Variants in PTPRD observed in about 807,000 individuals in gnomAD.
The protein encoded by PTPRD is receptor-type tyrosine-protein phosphatase delta.
A neutral mutation model predicts 214.5 loss-of-function variants in PTPRD; 34 were observed. That is an observed-to-expected ratio of 0.16 (90% CI 0.12 to 0.21). The LOEUF (loss-of-function observed/expected upper bound fraction) is 0.21, where lower values mean the gene tolerates loss of function less well. Among genes scored for constraint, PTPRD ranks in the 10% least tolerant of loss-of-function variants. The pLI is 1.00. For missense variants in PTPRD, 2,545 were observed against 2,398.7 expected, an observed-to-expected ratio of 1.06 and a Z score of -1.27; for synonymous variants, 1,128 against 845.7, an observed-to-expected ratio of 1.33 and a Z score of -5.79.
intron 8 of PTPRD, among the ~76,000 whole-genome samples, chr9:9,463,906 A>T (rs994801528): frequency 1.3e-5 from 2 of 152,174 alleles, no homozygotes; most frequent in Non-Finnish European, 2.9e-5. Flanking sequence ...ACTGAAGCTT[A>T]CCAGATCACC....
At chr9:10,399,570 A>G (rs187794583) in intron 2 of PTPRD, among the ~76,000 whole-genome samples, 1 of 152,086 alleles carries the variant, frequency 6.6e-6, no homozygotes, top group African/African-American at 2.4e-5. Flanking sequence ...GTTCTTGAAT[A>G]AAAATATCTA....
At chr9:8,476,973 C>G (rs2096778056) in intron 30 of PTPRD, among the ~76,000 whole-genome samples, 1 of 152,134 alleles carries the variant, frequency 6.6e-6, no homozygotes, top group African/African-American at 2.4e-5. Context: ...CTTTTCTTTA[C>G]TGGCCTACTC....
intron 6 of PTPRD, among the ~76,000 whole-genome samples, chr9:9,756,862 A>T (rs1283225741): frequency 3.3e-5 from 5 of 152,176 alleles, no homozygotes; most frequent in Non-Finnish European, 7.4e-5. Flanking sequence ...TAGACTGAAC[A>T]TTAGTGACTT....
intron 10 of PTPRD, among the ~76,000 whole-genome samples, chr9:9,056,095 T>C (rs2099695712): frequency 1.3e-5 from 2 of 152,170 alleles, no homozygotes; most frequent in African/African-American, 2.4e-5. Flanking sequence ...AACATTATTG[T>C]TGTTTTCTAG....
chr9:10,396,416 G>C (rs1439155349), intron 2 of PTPRD, among the ~76,000 whole-genome samples: 1 of 151,962 alleles, frequency 6.6e-6, no homozygotes, highest in Non-Finnish European at 1.5e-5. Context: ...GACTCAAACT[G>C]TTGGGAAGGG....
At chr9:9,138,048 T>C (rs1403906458) in intron 10 of PTPRD, among the ~76,000 whole-genome samples, 2 of 152,172 alleles carry the variant, frequency 1.3e-5, no homozygotes, top group Non-Finnish European at 2.9e-5. Context: ...GCTGAGATAC[T>C]ACATAGATCT....
Position 9,134,539 on chromosome 9 carries a change from T to C in PTPRD, c.-143+48765A>G, listed in dbSNP as rs565832915. On this transcript the variant is annotated intron_variant, in intron 10 of 45. Coordinates refer to ENST00000381196, the MANE Select transcript of PTPRD (RefSeq NM_002839.4). ...TCTCACCTAGCCAAATTGATAGTTT[T>C]AAATTGGTACCACATCTCTTTCCAC... 5.3e-5 allele frequency among the ~76,000 whole-genome samples: 8 copies of C among 152,318 alleles called. No homozygotes were observed. In the South Asian group the frequency reaches 1.5e-3, roughly 28 times the overall value.
At chr9:9,824,592 T>C (rs1048887953) in intron 5 of PTPRD, among the ~76,000 whole-genome samples, 3 of 152,098 alleles carry the variant, frequency 2.0e-5, no homozygotes, top group Admixed American at 6.6e-5. Context: ...TAGATCACTT[T>C]GTGAGTATGA....
At chr9:9,781,007 G>C (rs948577847) in intron 5 of PTPRD, among the ~76,000 whole-genome samples, 1 of 152,166 alleles carries the variant, frequency 6.6e-6, no homozygotes, top group African/African-American at 2.4e-5. Context: ...AAAGATCAGT[G>C]ATGGCCAGGG....
chr9:8,845,584 G>C (rs1283847216), intron 11 of PTPRD, among the ~76,000 whole-genome samples: 1 of 152,224 alleles, frequency 6.6e-6, no homozygotes, highest in African/African-American at 2.4e-5. Context: ...AGCTGGCACA[G>C]CCAATCCTGT....
intron 7 of PTPRD, among the ~76,000 whole-genome samples, chr9:9,681,919 T>C (rs1351094647): frequency 6.6e-6 from 1 of 151,882 alleles, no homozygotes; most frequent in Non-Finnish European, 1.5e-5. Context: ...TACATTTATA[T>C]AGAAGATGTT....
intron 45 of PTPRD, among the ~76,000 whole-genome samples, chr9:8,318,303 C>T (rs914704087): frequency 1.3e-5 from 2 of 151,974 alleles, no homozygotes; most frequent in Admixed American, 1.3e-4. Context: ...TGAAAATCAT[C>T]CTTTACAATT....
intron 8 of PTPRD, among the ~76,000 whole-genome samples, chr9:9,454,347 G>C (rs1184850627): frequency 1.3e-5 from 2 of 151,686 alleles, no homozygotes; most frequent in Non-Finnish European, 3.0e-5. Context: ...AGACATACCA[G>C]CCACCCATTC....
intron 10 of PTPRD, among the ~76,000 whole-genome samples, chr9:9,139,106 C>A (rs545983599): frequency 4.6e-5 from 7 of 151,742 alleles, no homozygotes; most frequent in African/African-American, 1.7e-4. Flanking sequence ...CCCTCCCCCC[C>A]GCCCCCACCT....
At chr9:10,421,366 G>GGCAACATTAGATTAAATGGAGCAA (rs1372652794) in intron 2 of PTPRD, among the ~76,000 whole-genome samples, 2 of 151,784 alleles carry the variant, frequency 1.3e-5, no homozygotes, top group Non-Finnish European at 2.9e-5. Context: ...CAGCAATGTT[G>GGCAACATTAGATTAAATGGAGCAA]GCAACATTAG....
intron 7 of PTPRD, among the ~76,000 whole-genome samples, chr9:9,660,320 A>C (rs923315622): frequency 6.6e-6 from 1 of 151,956 alleles, no homozygotes; most frequent in Non-Finnish European, 1.5e-5. Context: ...TGAAGAATAG[A>C]CTATAGGGAG....
At chr9:9,887,795 A>T (rs1238482468) in intron 5 of PTPRD, among the ~76,000 whole-genome samples, 1 of 152,144 alleles carries the variant, frequency 6.6e-6, no homozygotes, top group African/African-American at 2.4e-5. Flanking sequence ...GGAGGGGGCA[A>T]TATTTTTAAA....
chr9:8,668,924 A>C (rs2097221260), intron 12 of PTPRD, among the ~76,000 whole-genome samples: 1 of 152,164 alleles, frequency 6.6e-6, no homozygotes. Context: ...AAAATATACC[A>C]GAGCAGATCC....
chr9:9,473,754 T>C (rs2094803556), intron 8 of PTPRD, among the ~76,000 whole-genome samples: 1 of 152,120 alleles, frequency 6.6e-6, no homozygotes, highest in Admixed American at 6.5e-5. Context: ...CAAATATCTG[T>C]TGGTCATGTG....
Sources: gnomAD v4.1 joint callset for allele counts (sites outside exome capture counted in the v4.1 genomes callset) on GRCh38, gnomAD v4.1.1 for gene constraint, MANE v1.5 for transcripts, NCBI Gene and HGNC (gene_info 2026-07-23, HGNC 2026-07-21) for gene names.